PATZ1: variants seen among roughly 807,000 people sequenced by gnomAD.
PATZ1 encodes the protein POZ-, AT hook-, and zinc finger-containing protein 1.
Under a neutral mutation model 46.2 loss-of-function variants are expected in PATZ1, and 9 were observed. The observed-to-expected ratio is 0.19, with a 90% CI of 0.12 to 0.34. The LOEUF (loss-of-function observed/expected upper bound fraction) is 0.34, where lower values mean the gene tolerates loss of function less well. PATZ1 is among the 10% of genes least tolerant of loss of function. The probability of loss-of-function intolerance (pLI) is 1.00; values close to 1 mark genes in which losing one functional copy is unlikely to be tolerated. For missense variants in PATZ1, 632 were observed against 923.0 expected (o/e 0.68, Z 4.08); for synonymous variants, 426 against 378.6 (o/e 1.13, Z -1.45).
intron 2 of PATZ1, among the ~76,000 whole-genome samples, chr22:31,339,361 T>A (rs1314164794): frequency 6.6e-6 from 1 of 152,214 alleles, no homozygotes; most frequent in East Asian, 1.9e-4. Context: ...GTGCCAGGAT[T>A]GACCCTCTGC....
At chr22:31,336,084 G>C (rs1274500927) in intron 2 of PATZ1, among the ~76,000 whole-genome samples, 1 of 152,104 alleles carries the variant, frequency 6.6e-6, no homozygotes, top group Non-Finnish European at 1.5e-5. Context: ...GGAATCACTG[G>C]TACTAACTAA....
intron 2 of PATZ1, among the ~76,000 whole-genome samples, chr22:31,338,923 C>T (rs1021960419): frequency 6.6e-6 from 1 of 152,152 alleles, no homozygotes; most frequent in Non-Finnish European, 1.5e-5. Flanking sequence ...GTGGTGGGCG[C>T]CTGTAGTCCC....
Position 31,344,415 on chromosome 22 carries a change from G to A in PATZ1, c.1188C>T (p.Asp396=), listed in dbSNP as rs760802937. The part of the protein sequence containing the change: ...PVCGLRFKRK[D]RMSYHVRSHD... ...GGGACCGCACATGGTAGGACATGCG[G>A]TCTTTTCTCTTGAACCGCAACCCAC... Residue 396 remains aspartate, a synonymous_variant, in exon 1 of 5, where the codon GAC becomes GAT. Coordinates refer to ENST00000266269, the MANE Select transcript of PATZ1 (RefSeq NM_014323.3). The A allele has an allele frequency of 6.2e-6, 10 of 1,614,224 alleles. No homozygotes were observed. The highest frequency in any genetic ancestry group is 7.6e-6 in the Non-Finnish European group (9 of 1,180,028).
At position 31,345,067 on chromosome 22, in the gene PATZ1, C is replaced by G; in HGVS notation, c.536G>C (p.Gly179Ala). ...CAAAGGGAAGCCCAAGTCCGAGGTC[C>G]CAGGGGGGCGAAAGAGCATTATATC... ...RADIMLFRPPGTSDLGFPLDM... is the reference protein window; with the variant it reads ...RADIMLFRPPATSDLGFPLDM... Residue 179 changes from glycine (G) to alanine (A), a missense_variant, in exon 1 of 5, where the codon GGG (glycine) becomes GCG (alanine). This residue lies in a region of PATZ1 where 279 missense variants were observed against 284.3 expected (regional missense o/e 0.98). Coordinates refer to ENST00000266269, the MANE Select transcript of PATZ1 (RefSeq NM_014323.3). This position sits in a 1 kb window ranked among gnomAD's most constrained non-coding sequence, Gnocchi z 7.4. The G allele has an allele frequency of 6.2e-7, 1 of 1,614,154 alleles. No individual in the cohort carries two copies. Among genetic ancestry groups the G allele is most frequent in the Non-Finnish European group, 8.5e-7 (1 of 1,180,020 alleles).
chr22:31,334,136 G>A (rs953267653), intron 3 of PATZ1, among the ~76,000 whole-genome samples: 5 of 152,194 alleles, frequency 3.3e-5, no homozygotes, highest in Admixed American at 3.3e-4. Context: ...AGTTATCCGG[G>A]GGAGCTGTCA....
chr22:31,344,239 C>A, intron 1 of PATZ1, 93 bp downstream of exon 1: 8 of 1,164,910 alleles, frequency 6.9e-6, no homozygotes, highest in Non-Finnish European at 9.8e-6. Context: ...GGTCAAATGA[C>A]CCCCACAAAT....
chr22:31,332,072 T>C (rs2049450842), intron 3 of PATZ1, among the ~76,000 whole-genome samples: 1 of 152,116 alleles, frequency 6.6e-6, no homozygotes, highest in South Asian at 2.1e-4. Context: ...GATCGCGCCA[T>C]TGCACTCCAG....
rs2145807116 is a variant in PATZ1 at position 31,326,028 on chromosome 22, C to T, written c.*863G>A. On this transcript the variant is annotated 3_prime_UTR_variant, in exon 5 of 5. Transcript: ENST00000266269. ...AACTATTTCTTCCATAGACTTCAAA[C>T]AATCAACTAGCCAAGTTAATTATGG... 4.6e-6 allele frequency: 1 copy of T among 215,880 alleles called. No individual in the cohort carries two copies. Among genetic ancestry groups the T allele is most frequent in the South Asian group, 1.9e-4 (1 of 5,352 alleles). 13.4% of individuals were successfully genotyped at this position (215,880 alleles called of 1,614,324 possible).
chr22:31,341,247 T>G, intron 2 of PATZ1: 1 of 1,391,202 alleles, frequency 7.2e-7, no homozygotes, highest in Non-Finnish European at 9.3e-7. Context: ...CTACCCCCAT[T>G]TGGGGGCTCT....
In PATZ1 at chr22:31,328,941, G is replaced by A. The variant is rs925946351; in HGVS notation, c.1508-17C>T. The stretch of plus-strand genomic sequence containing the variant: ...AGGAGAAACCTAAACAAGACAAAAG[G>A]AGATGAGATCCCGCGGCCAGCAAGA... On this transcript the variant is annotated splice_polypyrimidine_tract_variant and intron_variant, in intron 3 of 4. Transcript: ENST00000266269. The surrounding 1 kb of genome is among the most constrained non-coding windows in gnomAD (Gnocchi z 4.8). The A allele has an allele frequency of 6.2e-7, 1 of 1,606,684 alleles. No individual in the cohort carries two copies. Among genetic ancestry groups the A allele is most frequent in the Middle Eastern group, 1.7e-4 (1 of 6,028 alleles).
At position 31,328,281 on chromosome 22, in the gene PATZ1, A is replaced by G. The variant is rs1024688079; in HGVS notation, c.1645+506T>C. Among the ~76,000 whole-genome samples the G allele has an allele frequency of 1.3e-5, 2 of 152,226 alleles. No homozygotes were observed. Among genetic ancestry groups the G allele is most frequent in the Admixed American group, 1.3e-4 (2 of 15,286 alleles). ...GTCAGATAGCTCATTATTGCCATGC[A>G]TCTCACAACCATAGCCAGAGGCTCT... On this transcript the variant is annotated intron_variant, in intron 4 of 4. Transcript: ENST00000266269. The surrounding 1 kb of genome is among the most constrained non-coding windows in gnomAD (Gnocchi z 4.8).
chr22:31,342,906 G>A lies in PATZ1; in HGVS notation c.1326C>T (p.His442=), dbSNP rs1247778811. The A allele has an allele frequency of 6.2e-7, 1 of 1,614,036 alleles. No homozygotes were observed. The highest frequency in any genetic ancestry group is 8.5e-7 in the Non-Finnish European group (1 of 1,179,916). ...CTGACCCAGCCCCTACCTGACACTT[G>A]TGAGGCCGCTCAGAAGTGTGCACCT... The part of the protein sequence containing the change: ...IKQVHTSERP[H]KCQTCNASFA... Residue 442 remains histidine (H), a synonymous_variant, in exon 2 of 5, where the codon CAC becomes CAT. Coordinates refer to ENST00000266269, the MANE Select transcript of PATZ1 (RefSeq NM_014323.3).
intron 2 of PATZ1, among the ~76,000 whole-genome samples, chr22:31,340,028 C>A (rs1381703771): frequency 6.6e-6 from 1 of 152,222 alleles, no homozygotes; most frequent in African/African-American, 2.4e-5. Flanking sequence ...CAACGCATTC[C>A]TTCTCTAACC....
Position 31,344,397 on chromosome 22 carries a change from C to G in PATZ1, c.1206G>C (p.Val402=). Residue 402 remains valine (V), a synonymous_variant, in exon 1 of 5, where the codon GTG becomes GTC. Coordinates refer to ENST00000266269, the MANE Select transcript of PATZ1 (RefSeq NM_014323.3). ...FKRKDRMSYH[V]RSHDGSVGKP... is the part of the protein sequence containing the mutation. ...TGCCCACGGACCCATCATGGGACCGCACATGGTAGGACATGCGGTCTTTTC... is the reference window on the plus strand; with the variant it reads ...TGCCCACGGACCCATCATGGGACCGGACATGGTAGGACATGCGGTCTTTTC... 2 of 1,614,146 alleles carry G rather than the reference C, an allele frequency of 1.2e-6. No individual in the cohort carries two copies. Among genetic ancestry groups the G allele is most frequent in the Non-Finnish European group, 1.7e-6 (2 of 1,179,998 alleles).
Position 31,345,071 on chromosome 22 carries a change from G to C in PATZ1, c.532C>G (p.Pro178Ala). 1.2e-6 allele frequency: 2 copies of C among 1,614,206 alleles called. No homozygotes were observed. Among genetic ancestry groups the C allele is most frequent in the Admixed American group, 1.7e-5 (1 of 60,030 alleles). Reference protein sequence around the residue: ...ARADIMLFRPPGTSDLGFPLD... With the variant: ...ARADIMLFRPAGTSDLGFPLD... Reference sequence around the variant, plus strand: ...GGGAAGCCCAAGTCCGAGGTCCCAGGGGGGCGAAAGAGCATTATATCGGCG... The same window carrying C: ...GGGAAGCCCAAGTCCGAGGTCCCAGCGGGGCGAAAGAGCATTATATCGGCG... Residue 178 changes from proline to alanine, a missense_variant, in exon 1 of 5, where the codon CCT (proline) becomes GCT (alanine). Pro to Ala is a conservative substitution (Grantham distance 27). Transcript: ENST00000266269. This position sits in a 1 kb window ranked among gnomAD's most constrained non-coding sequence, Gnocchi z 7.4.
chr22:31,341,629 G>A, intron 2 of PATZ1: 1 of 1,614,096 alleles, frequency 6.2e-7, no homozygotes, highest in Non-Finnish European at 8.5e-7. Context: ...CATGATGGCA[G>A]GTCGCTAGGA....
chr22:31,340,940 G>T, intron 2 of PATZ1: 1 of 1,068,558 alleles, frequency 9.4e-7, no homozygotes, highest in Non-Finnish European at 1.1e-6. Context: ...AAGGGCAGAG[G>T]GCAGCATGGG....
chr22:31,335,844 G>A lies in PATZ1; in HGVS notation c.1355C>T (p.Ala452Val), dbSNP rs371330622. 3 of 1,613,758 alleles carry A rather than the reference G, an allele frequency of 1.9e-6. No homozygotes were observed. The highest frequency in any genetic ancestry group is 2.2e-5 in the South Asian group (2 of 91,054). ...HKCQTCNASF[A>V]TRDRLRSHLA... ...GTGGGAGCGCAGACGGTCTCGGGTG[G>A]CAAAAGAAGCATTGCAGGTCTGAAG... Residue 452 changes from alanine to valine, a missense_variant, in exon 3 of 5, where the codon GCC (alanine) becomes GTC (valine). Ala to Val is a moderately conservative substitution (Grantham distance 64). Around this residue, in one of 7 missense-constraint regions of PATZ1, gnomAD observed 55 missense variants for 169.0 expected, o/e 0.33. Transcript: ENST00000266269.
chr22:31,343,432 G>C (rs2049608266), intron 1 of PATZ1: 1 of 987,278 alleles, frequency 1.0e-6, no homozygotes, highest in African/African-American at 1.7e-5. Flanking sequence ...GAGGCCAGCA[G>C]TGGAGCCTTA....
Sources: allele counts gnomAD v4.1 joint callset (sites outside exome capture counted in the v4.1 genomes callset), GRCh38; gene constraint gnomAD v4.1.1; regional missense constraint gnomAD v4.1.1; non-coding constraint Gnocchi (gnomAD v3.1); transcripts MANE v1.5; gene names NCBI Gene and HGNC (gene_info 2026-07-23, HGNC 2026-07-21).